EPB42: variants seen among roughly 807,000 people sequenced by gnomAD.
The protein encoded by EPB42 is protein 4.2.
EPB42 carries 49 observed loss-of-function variants against 76.9 expected under a neutral mutation model. That is an observed-to-expected ratio of 0.64 (90% CI 0.51 to 0.81). The LOEUF (loss-of-function observed/expected upper bound fraction) is 0.81, where lower values mean the gene tolerates loss of function less well. Ranked by LOEUF, EPB42 falls within the 30% of genes least tolerant of loss-of-function variation. The probability of loss-of-function intolerance (pLI) is 0.00; values close to 1 mark genes in which losing one functional copy is unlikely to be tolerated. For synonymous variants in EPB42, 310 were observed against 338.4 expected (o/e 0.92, Z 0.92); for missense variants, 731 against 867.6 (o/e 0.84, Z 1.98).
upstream of EPB42, among the ~76,000 whole-genome samples, chr15:43,224,197 A>G (rs12592725): frequency 0.12 from 18,969 of 152,132 alleles, 1,332 homozygotes; most frequent in East Asian, 0.21. Flanking sequence ...ACGCGGAAAG[A>G]GAAAGATCTC....
intron 4 of EPB42, 25 bp from the exon 5 acceptor site, chr15:43,210,464 G>T: frequency 6.2e-7 from 1 of 1,605,146 alleles, no homozygotes. Context: ...ACAGGGCCAT[G>T]ATGAAGGGTC....
Position 43,208,095 on chromosome 15 carries a change from T to A in EPB42, c.1075+135A>T, listed in dbSNP as rs1056355073. The A allele has an allele frequency of 2.0e-5, 15 of 750,484 alleles. No individual in the cohort carries two copies. In the African/African-American group the frequency reaches 2.6e-4, roughly 13 times the overall value. 46.5% of individuals were successfully genotyped at this position (750,484 alleles called of 1,614,324 possible). A position where few individuals can be genotyped will look rare whatever the true frequency, so the allele number is the denominator to read the frequency against. On this transcript the variant is annotated intron_variant, in intron 8 of 12. Transcript: ENST00000441366. ...GGCATCAGGTCAGCTTTCTGCTGGC[T>A]GCTGTCATGCCTCGTGCTTCTACTG... is the stretch of plus-strand genomic sequence containing the variant.
intron 3 of EPB42, among the ~76,000 whole-genome samples, chr15:43,214,568 C>T (rs1026829304): frequency 3.3e-5 from 5 of 152,194 alleles, no homozygotes; most frequent in Admixed American, 6.5e-5. Flanking sequence ...GGGCCCTGGT[C>T]GGCCGGGGAG....
chr15:43,209,864 C>T (rs138179934), intron 5 of EPB42, among the ~76,000 whole-genome samples: 15 of 152,336 alleles, frequency 9.8e-5, no homozygotes, highest in African/African-American at 3.6e-4. Flanking sequence ...GGGACTTCAG[C>T]GGCAAAGAGG....
At chr15:43,219,936 C>T (rs2042432720) in intron 1 of EPB42, among the ~76,000 whole-genome samples, 1 of 148,384 alleles carries the variant, frequency 6.7e-6, no homozygotes, top group Non-Finnish European at 1.5e-5. Flanking sequence ...CAGAGAGAGA[C>T]TCCGTTTAAA....
At position 43,209,362 on chromosome 15, in the gene EPB42, G is replaced by A. The variant is rs138033246; in HGVS notation, c.744C>T (p.Ser248=). The stretch of plus-strand genomic sequence containing the variant: ...TGAGCCACTGCCGCAGGATGGGCAC[G>A]CTGCCCCGGCGCTTGTTCAGCAAGG... ...EGALLNKRRG[S]VPILRQWLTG... The change falls in exon 6 of 13, where the codon AGC becomes AGT. Residue 248 remains serine (S), a synonymous_variant. Transcript: ENST00000441366. The A allele has an allele frequency of 3.9e-5, 63 of 1,614,098 alleles. No individual in the cohort carries two copies. The Admixed American group carries it at 6.2e-4, about 16-fold the overall frequency.
At chr15:43,208,575 G>A (rs2042242414) in intron 7 of EPB42, 62 bp downstream of exon 7, 3 of 1,603,714 alleles carry the variant, frequency 1.9e-6, no homozygotes, top group African/African-American at 1.3e-5. Context: ...TCCTGCAGAG[G>A]TGTGCTATGC....
intron 1 of EPB42, among the ~76,000 whole-genome samples, chr15:43,216,657 G>T (rs556268091): frequency 6.6e-6 from 1 of 152,240 alleles, no homozygotes; most frequent in South Asian, 2.1e-4. Context: ...TCAGAGTTGT[G>T]GGGATTAGAT....
rs139182437 is a variant in EPB42 at position 43,210,409 on chromosome 15, G to C, written c.580C>G (p.Arg194Gly). 6 of 1,613,652 alleles carry C rather than the reference G, an allele frequency of 3.7e-6. No individual in the cohort carries two copies. Among genetic ancestry groups the C allele is most frequent in the Non-Finnish European group, 5.1e-6 (6 of 1,179,950 alleles). Residue 194 changes from arginine to glycine, a missense_variant, in exon 5 of 13, where the codon CGC becomes GGC. Arg to Gly is a moderately radical substitution (Grantham distance 125, BLOSUM62 -2). Coordinates refer to ENST00000441366, the MANE Select transcript of EPB42 (RefSeq NM_001114134.2). ...ACCTGCTTGTCCTTGCTCAGCAAGC[G>C]CAGGCTGAGGTCAATGACATCCCCC... ...FEGDVIDLSL[R>G]LLSKDKQVEK...
chr15:43,199,915 C>T (rs183726233), intron 12 of EPB42, among the ~76,000 whole-genome samples: 33 of 152,312 alleles, frequency 2.2e-4, no homozygotes, highest in African/African-American at 7.2e-4. Flanking sequence ...TTTCACCTCC[C>T]GCCATGATTC....
At chr15:43,208,561 G>A (rs2042242151) in intron 7 of EPB42, 76 bp downstream of exon 7, 3 of 1,590,500 alleles carry the variant, frequency 1.9e-6, no homozygotes, top group African/African-American at 2.7e-5. Flanking sequence ...GCAGGGGGTG[G>A]GGCTCCTGCA....
chr15:43,224,292 T>A (rs998012056), upstream of EPB42, among the ~76,000 whole-genome samples: 1 of 152,204 alleles, frequency 6.6e-6, no homozygotes, highest in East Asian at 1.9e-4. Context: ...TTCACCTTTA[T>A]TACCTTCTTA....
At chr15:43,209,171 GC>G (rs1241012293) in intron 6 of EPB42, 102 bp downstream of exon 6, 52 of 1,346,352 alleles carry the variant, frequency 3.9e-5, no homozygotes, top group Non-Finnish European at 5.4e-5. Context: ...GGGAAATGCG[GC>G]CGCAGGGAGG....
chr15:43,216,114 G>A (rs2042374255), intron 2 of EPB42, among the ~76,000 whole-genome samples, 154 bp downstream of exon 2: 1 of 152,202 alleles, frequency 6.6e-6, no homozygotes, highest in Admixed American at 6.5e-5. Context: ...ATAATCTCGT[G>A]GCACCCTCAT....
Position 43,211,468 on chromosome 15 carries a change from A to G in EPB42, c.497T>C (p.Ile166Thr). The G allele has an allele frequency of 6.2e-7, 1 of 1,614,172 alleles. No homozygotes were observed. Among genetic ancestry groups the G allele is most frequent in the Non-Finnish European group, 8.5e-7 (1 of 1,179,998 alleles). Residue 166 changes from isoleucine (I) to threonine (T), a missense_variant, in exon 4 of 13, where the codon ATC becomes ACC. Ile to Thr is a moderately conservative substitution (Grantham distance 89, BLOSUM62 -1). Coordinates refer to ENST00000441366, the MANE Select transcript of EPB42 (RefSeq NM_001114134.2). ...MEYLLNQNGL[I>T]YLGTADCIQA... ...GATGCAGTCAGCTGTACCCAGGTAGATGAGACCATTCTGGTTCAACAAGTA... is the reference window on the plus strand; with the variant it reads ...GATGCAGTCAGCTGTACCCAGGTAGGTGAGACCATTCTGGTTCAACAAGTA...
chr15:43,224,120 G>C (rs747102389), upstream of EPB42, among the ~76,000 whole-genome samples: 1 of 152,242 alleles, frequency 6.6e-6, no homozygotes, highest in Non-Finnish European at 1.5e-5. Context: ...GGAAGTTCAA[G>C]ATCAGGGCCT....
upstream of EPB42, among the ~76,000 whole-genome samples, chr15:43,224,817 C>T (rs2042493203): frequency 1.3e-5 from 2 of 152,240 alleles, no homozygotes; most frequent in Admixed American, 6.5e-5. Flanking sequence ...TGCTCTGTCA[C>T]CCAGGCTGGA....
chr15:43,216,179 T>G, intron 2 of EPB42, 89 bp downstream of exon 2: 1 of 1,522,056 alleles, frequency 6.6e-7, no homozygotes, highest in Non-Finnish European at 9.0e-7. Context: ...GTGTGGGCCA[T>G]TTGTCCCTTG....
In EPB42 at chr15:43,210,328, C is replaced by G. The variant is rs72721553; in HGVS notation, c.654+7G>C. ...GCCCCATTCTGGTTCCCCAGCCTCTCGCTTACCAAGGCACCCAACACACGG... is the reference window on the plus strand; with the variant it reads ...GCCCCATTCTGGTTCCCCAGCCTCTGGCTTACCAAGGCACCCAACACACGG... On this transcript the variant is annotated splice_region_variant and intron_variant, in intron 5 of 12. Coordinates refer to ENST00000441366, the MANE Select transcript of EPB42 (RefSeq NM_001114134.2). 1.2e-6 allele frequency: 2 copies of G among 1,612,622 alleles called. No homozygotes were observed. The highest frequency in any genetic ancestry group is 1.7e-5 in the Admixed American group (1 of 60,012).
Sources: gnomAD v4.1 joint callset for allele counts (sites outside exome capture counted in the v4.1 genomes callset) on GRCh38, gnomAD v4.1.1 for gene constraint, MANE v1.5 for transcripts, NCBI Gene and HGNC (gene_info 2026-07-23, HGNC 2026-07-21) for gene names.